The following PTPN3 variants were observed in gnomAD, a reference collection of about 807,000 sequenced individuals.
The protein encoded by PTPN3 is protein tyrosine phosphatase non-receptor type 3, also known as tyrosine-protein phosphatase non-receptor type 3.
PTPN3 carries 96 observed loss-of-function variants against 132.7 expected under a neutral mutation model. The ratio of observed to expected loss-of-function variants is 0.72; its 90% CI spans 0.61 to 0.86. The LOEUF (loss-of-function observed/expected upper bound fraction) is 0.86, where lower values mean the gene tolerates loss of function less well. PTPN3 is among the 40% of genes least tolerant of loss of function. PTPN3 has a pLI of 0.00. For missense variants in PTPN3, 1,125 were observed against 1,159.6 expected, an observed-to-expected ratio of 0.97 and a Z score of 0.43; for synonymous variants, 398 against 429.0, an observed-to-expected ratio of 0.93 and a Z score of 0.89.
intron 1 of PTPN3, among the ~76,000 whole-genome samples, chr9:109,486,453 G>A (rs1014579429): frequency 6.6e-6 from 1 of 152,172 alleles, no homozygotes; most frequent in Non-Finnish European, 1.5e-5. Flanking sequence ...AGTGGAAAAG[G>A]GGAGTGGGCT....
chr9:109,383,610 T>C, intron 22 of PTPN3, 59 bp from the exon 23 acceptor site: 1 of 1,594,234 alleles, frequency 6.3e-7, no homozygotes, highest in Non-Finnish European at 8.6e-7. Context: ...TGCAAGCAGT[T>C]AACCCTGGAC....
intron 5 of PTPN3, chr9:109,450,928 TA>T: frequency 1.0e-6 from 1 of 985,208 alleles, no homozygotes; most frequent in Non-Finnish European, 1.2e-6. Flanking sequence ...TCTTGAGAGC[TA>T]AAATTTCCTT....
intron 5 of PTPN3, among the ~76,000 whole-genome samples, chr9:109,452,460 T>C (rs1196035801): frequency 1.3e-5 from 2 of 152,038 alleles, no homozygotes; most frequent in East Asian, 1.9e-4. Flanking sequence ...CACGTACACA[T>C]GTACATACAT....
At chr9:109,515,374 T>C in the PTPN3 span, among the ~76,000 whole-genome samples, 1 of 152,186 alleles carries the variant, frequency 6.6e-6, no homozygotes, top group Non-Finnish European at 1.5e-5. Context: ...TGTGCCTGCA[T>C]TGGAGTTGCT....
At chr9:109,412,199 A>AC (rs963715738) in intron 14 of PTPN3, among the ~76,000 whole-genome samples, 6 of 148,658 alleles carry the variant, frequency 4.0e-5, no homozygotes, top group African/African-American at 1.2e-4. Flanking sequence ...CCCTCCCTGC[A>AC]CCCCCCCAAT....
chr9:109,451,043 A>C (rs1845207745), intron 5 of PTPN3: 1 of 408,038 alleles, frequency 2.5e-6, no homozygotes, highest in Non-Finnish European at 2.8e-6. Flanking sequence ...TCATTTTTTT[A>C]ATTTTTAATT....
chr9:109,392,418 AAT>A (rs1263814666), intron 19 of PTPN3, among the ~76,000 whole-genome samples: 4 of 152,024 alleles, frequency 2.6e-5, no homozygotes, highest in Admixed American at 6.6e-5. Context: ...AATTCAGACT[AAT>A]ATAAAGAAAA....
At chr9:109,463,577 A>G in intron 1 of PTPN3, 126 bp from the exon 2 acceptor site, 4 of 756,574 alleles carry the variant, frequency 5.3e-6, no homozygotes, top group Non-Finnish European at 5.9e-6. Flanking sequence ...TGAGAACTAC[A>G]TAGCAGATCA....
chr9:109,421,295 C>A (rs972182618), intron 13 of PTPN3, among the ~76,000 whole-genome samples: 1 of 152,100 alleles, frequency 6.6e-6, no homozygotes, highest in Admixed American at 6.5e-5. Context: ...GGCACCTGGG[C>A]GTCAGCTCCT....
At chr9:109,484,525 G>A (rs1847123271) in intron 1 of PTPN3, among the ~76,000 whole-genome samples, 1 of 152,228 alleles carries the variant, frequency 6.6e-6, no homozygotes, top group South Asian at 2.1e-4. Flanking sequence ...CAGCCACTTG[G>A]CTAGGAGCTA....
At chr9:109,423,010 T>G (rs1238948191) in intron 12 of PTPN3, among the ~76,000 whole-genome samples, 158 bp from the exon 13 acceptor site, 12 of 152,240 alleles carry the variant, frequency 7.9e-5, no homozygotes. Context: ...AAGCGATTCC[T>G]GTCTGTCCTG....
intron 2 of PTPN3, among the ~76,000 whole-genome samples, chr9:109,461,370 G>A (rs1845836416): frequency 6.6e-6 from 1 of 152,176 alleles, no homozygotes; most frequent in African/African-American, 2.4e-5. Context: ...AGGAGCTTCT[G>A]ACACACTTTA....
intron 14 of PTPN3, among the ~76,000 whole-genome samples, chr9:109,420,062 T>C (rs1189703252): frequency 6.6e-6 from 1 of 152,180 alleles, no homozygotes; most frequent in Non-Finnish European, 1.5e-5. Flanking sequence ...ACTTTAATAA[T>C]CTAGAGAAAT....
chr9:109,494,393 G>T (rs567311695), intron 1 of PTPN3, among the ~76,000 whole-genome samples: 17 of 152,112 alleles, frequency 1.1e-4, no homozygotes, highest in African/African-American at 4.1e-4. Flanking sequence ...AGCCATGATC[G>T]GGCCACTGCA....
intron 19 of PTPN3, among the ~76,000 whole-genome samples, chr9:109,400,980 G>T (rs1474063923): frequency 6.6e-6 from 1 of 152,206 alleles, no homozygotes; most frequent in Non-Finnish European, 1.5e-5. Context: ...AGACTGAAGA[G>T]GCTGGGCTTT....
At chr9:109,502,705 A>G (rs1369469904), upstream of PTPN3, among the ~76,000 whole-genome samples, 1 of 152,178 alleles carries the variant, frequency 6.6e-6, no homozygotes, top group East Asian at 1.9e-4. Context: ...CTGAGGTGGG[A>G]GGATCACTTG....
At chr9:109,454,322 A>G (rs1193056710) in intron 5 of PTPN3, among the ~76,000 whole-genome samples, 174 bp downstream of exon 5, 1 of 152,182 alleles carries the variant, frequency 6.6e-6, no homozygotes, top group Non-Finnish European at 1.5e-5. Flanking sequence ...CTGAAAACTC[A>G]TTAGGTGATT....
intron 19 of PTPN3, among the ~76,000 whole-genome samples, chr9:109,403,070 T>C (rs1176817366): frequency 6.6e-6 from 1 of 152,180 alleles, no homozygotes; most frequent in Non-Finnish European, 1.5e-5. Context: ...AGACGCCCTG[T>C]CTCTAAATAA....
intron 22 of PTPN3, among the ~76,000 whole-genome samples, chr9:109,385,165 A>T (rs1839467938): frequency 6.6e-6 from 1 of 152,226 alleles, no homozygotes; most frequent in Non-Finnish European, 1.5e-5. Context: ...GAGCAGTACT[A>T]GACTCTCTCT....
Sources: gnomAD v4.1 joint callset for allele counts (sites outside exome capture counted in the v4.1 genomes callset) on GRCh38, gnomAD v4.1.1 for gene constraint, MANE v1.5 for transcripts, NCBI Gene and HGNC (gene_info 2026-07-23, HGNC 2026-07-21) for gene names.